INPP4A: variants seen among roughly 807,000 people sequenced by gnomAD.
INPP4A encodes the protein inositol polyphosphate-4-phosphatase, type I, 107kD.
A neutral mutation model predicts 119.8 loss-of-function variants in INPP4A; 33 were observed. That is an observed-to-expected ratio of 0.28 (90% CI 0.21 to 0.37). The LOEUF (loss-of-function observed/expected upper bound fraction) is 0.37, where lower values mean the gene tolerates loss of function less well. INPP4A is among the 10% of genes least tolerant of loss of function. The pLI, the probability that INPP4A is intolerant of heterozygous loss-of-function variation, is 1.00. For missense variants in INPP4A, 956 were observed against 1,289.9 expected (o/e 0.74, Z 3.97); for synonymous variants, 496 against 500.7 (o/e 0.99, Z 0.12).
chr2:98,503,869 C>T (rs771032436), intron 1 of INPP4A, among the ~76,000 whole-genome samples: 1 of 152,162 alleles, frequency 6.6e-6, no homozygotes, highest in South Asian at 2.1e-4. Flanking sequence ...AGAAGAGGTG[C>T]CACATGAGAA....
intron 1 of INPP4A, among the ~76,000 whole-genome samples, chr2:98,501,343 A>G (rs1053629175): frequency 2.6e-5 from 4 of 152,184 alleles, no homozygotes; most frequent in African/African-American, 9.7e-5. Flanking sequence ...CAAAAAAAAA[A>G]TGTATTTAAA....
intron 1 of INPP4A, among the ~76,000 whole-genome samples, chr2:98,516,493 A>C (rs1480272647): frequency 2.0e-5 from 3 of 152,142 alleles, no homozygotes; most frequent in African/African-American, 4.8e-5. Context: ...AGGGGTAGGC[A>C]TGGGTGAGTT....
intron 1 of INPP4A, among the ~76,000 whole-genome samples, chr2:98,490,984 A>C (rs1390830853): frequency 6.6e-6 from 1 of 151,694 alleles, no homozygotes; most frequent in African/African-American, 2.4e-5. Flanking sequence ...TTAAAAAATT[A>C]CAGTAGAAAA....
In INPP4A at chr2:98,520,668, T is replaced by C. The variant is rs778769629; in HGVS notation, c.107-19T>C. 6.9e-7 allele frequency: 1 copy of C among 1,453,086 alleles called. No homozygotes were observed. Among genetic ancestry groups the C allele is most frequent in the South Asian group, 1.3e-5 (1 of 76,986 alleles). The allele number at this position is 1,453,086 out of a possible 1,614,324, so 90.0% of individuals were successfully genotyped here. A position where few individuals can be genotyped will look rare whatever the true frequency, so the allele number is the denominator to read the frequency against. ...AAGTTTATTAAGGATGATTTTTCTG[T>C]CATTTCTTTTCTATTCAGGAAATAT... On this transcript the variant is annotated intron_variant, in intron 3 of 24. Transcript: ENST00000409851.
chr2:98,449,725 A>G (rs1391096151), intron 1 of INPP4A, among the ~76,000 whole-genome samples: 1 of 152,258 alleles, frequency 6.6e-6, no homozygotes, highest in Non-Finnish European at 1.5e-5. Context: ...CATTGTAAAC[A>G]TAAATGTAGT....
intron 1 of INPP4A, among the ~76,000 whole-genome samples, chr2:98,462,427 A>G (rs4851139): frequency 1 from 152,323 of 152,332 alleles, 76,157 homozygotes; most frequent in Middle Eastern, 1. Flanking sequence ...TAGCCTGGGC[A>G]ACAGATGGAG....
At position 98,526,144 on chromosome 2, in the gene INPP4A, A is replaced by G. The variant is rs111456293; in HGVS notation, c.151+5413A>G. The stretch of plus-strand genomic sequence containing the variant: ...GAATTATCAATACATGTAACAACAC[A>G]GATGAGTCTCGAAAACATTCCATTT... On this transcript the variant is annotated intron_variant, in intron 4 of 24. Coordinates refer to ENST00000409851, the MANE Select transcript of INPP4A (RefSeq NM_001134225.2). Among the ~76,000 whole-genome samples, 574 of 152,358 alleles carry G rather than the reference A, an allele frequency of 3.8e-3. 7 individuals are homozygous for G. Among genetic ancestry groups the G allele is most frequent in the African/African-American group, 0.013 (555 of 41,594 alleles).
chr2:98,545,191 T>G (rs1286422931), intron 11 of INPP4A, among the ~76,000 whole-genome samples: 2 of 152,226 alleles, frequency 1.3e-5, no homozygotes, highest in Non-Finnish European at 2.9e-5. Flanking sequence ...GGTCTGTGAT[T>G]CATATGCTGG....
intron 5 of INPP4A, among the ~76,000 whole-genome samples, chr2:98,534,338 C>T (rs1345265356): frequency 1.3e-5 from 2 of 152,152 alleles, no homozygotes; most frequent in African/African-American, 2.4e-5. Flanking sequence ...TATGGCTACC[C>T]GTGTGCACAG....
chr2:98,528,287 G>C (rs886336236), intron 4 of INPP4A, among the ~76,000 whole-genome samples: 5 of 151,952 alleles, frequency 3.3e-5, no homozygotes, highest in African/African-American at 1.2e-4. Context: ...CTCAACTGTA[G>C]GTTTGAGAAG....
chr2:98,542,244 T>TG (rs1691608269), intron 10 of INPP4A, among the ~76,000 whole-genome samples: 1 of 152,266 alleles, frequency 6.6e-6, no homozygotes, highest in Non-Finnish European at 1.5e-5. Context: ...CCTGAGGCCA[T>TG]GGGGCCGGCT....
At chr2:98,517,163 GCTTGAA>G (rs1686304383) in intron 1 of INPP4A, among the ~76,000 whole-genome samples, 1 of 152,136 alleles carries the variant, frequency 6.6e-6, no homozygotes, top group Admixed American at 6.5e-5. Context: ...TTTGGCCTGT[GCTTGAA>G]CTTCGTATGA....
At position 98,555,537 on chromosome 2, in the gene INPP4A, C is replaced by G. The variant is rs149994808; in HGVS notation, c.1567-16C>G. ...TTCGGGAGAGCTGACCCACATGGGC[C>G]CCTTTGATTTGGAAGGAGAAAGTGT... is the stretch of plus-strand genomic sequence containing the variant. On this transcript the variant is annotated splice_polypyrimidine_tract_variant and intron_variant, in intron 15 of 24. Coordinates refer to ENST00000409851, the MANE Select transcript of INPP4A (RefSeq NM_001134225.2). 1.3e-6 allele frequency: 2 copies of G among 1,582,754 alleles called. No individual in the cohort carries two copies. Among genetic ancestry groups the G allele is most frequent in the Non-Finnish European group, 8.6e-7 (1 of 1,160,664 alleles).
chr2:98,481,159 A>T (rs999452133), intron 1 of INPP4A, among the ~76,000 whole-genome samples: 1 of 152,112 alleles, frequency 6.6e-6, no homozygotes, highest in Admixed American at 6.5e-5. Context: ...AGCACTGTGA[A>T]CTTTTCCTGC....
intron 5 of INPP4A, among the ~76,000 whole-genome samples, chr2:98,534,031 GTAGGAGT>G: frequency 6.6e-6 from 1 of 152,372 alleles, no homozygotes; most frequent in Non-Finnish European, 1.5e-5. Flanking sequence ...AACACTAAGT[GTAGGAGT>G]TGGTGGCATG....
chr2:98,474,035 C>T lies in INPP4A; in HGVS notation c.-166+28950C>T, dbSNP rs148302323. ...TTGCCCAGCATTTTTGTGAGCCCTT[C>T]GGGGGCAGTCTGCCATATACAGACA... is the stretch of plus-strand genomic sequence containing the variant. On this transcript the variant is annotated intron_variant, in intron 1 of 24. Transcript: ENST00000409851. Among the ~76,000 whole-genome samples the T allele has an allele frequency of 2.8e-3, 429 of 152,300 alleles. 6 individuals are homozygous for T. The highest frequency in any genetic ancestry group is 9.9e-3 in the African/African-American group (412 of 41,562).
intron 4 of INPP4A, among the ~76,000 whole-genome samples, chr2:98,523,172 C>T (rs1687539666): frequency 1.3e-5 from 2 of 152,088 alleles, no homozygotes; most frequent in Non-Finnish European, 2.9e-5. Context: ...ACAAATTGAG[C>T]TAAAATGATT....
chr2:98,495,594 A>G (rs1298570400), intron 1 of INPP4A, among the ~76,000 whole-genome samples: 1 of 152,236 alleles, frequency 6.6e-6, no homozygotes, highest in East Asian at 1.9e-4. Flanking sequence ...TAAGATGTAT[A>G]TTAGTTTGGT....
intron 4 of INPP4A, among the ~76,000 whole-genome samples, chr2:98,524,225 C>T (rs1687771947): frequency 6.6e-6 from 1 of 151,916 alleles, no homozygotes; most frequent in Non-Finnish European, 1.5e-5. Flanking sequence ...ATTGTTGAAT[C>T]AAATATATGC....
Sources: allele counts gnomAD v4.1 joint callset (sites outside exome capture counted in the v4.1 genomes callset), GRCh38; gene constraint gnomAD v4.1.1; transcripts MANE v1.5; gene names NCBI Gene and HGNC (gene_info 2026-07-23, HGNC 2026-07-21).